The following DNASE1 variants were observed in gnomAD, a reference collection of about 807,000 sequenced individuals.
DNASE1 encodes deoxyribonuclease 1.
A neutral mutation model predicts 33.9 loss-of-function variants in DNASE1; 40 were observed. The ratio of observed to expected loss-of-function variants is 1.18; its 90% CI spans 0.92 to 1.54. DNASE1 has a LOEUF of 1.54. DNASE1 is among the 40% of genes most tolerant of loss of function. The probability of loss-of-function intolerance (pLI) is 0.00; values close to 1 mark genes in which losing one functional copy is unlikely to be tolerated. For synonymous variants in DNASE1, 216 were observed against 160.0 expected (o/e 1.35, Z -2.64); for missense variants, 518 against 372.6 (o/e 1.39, Z -3.21).
upstream of DNASE1, among the ~76,000 whole-genome samples, chr16:3,641,991 G>T (rs12919556): frequency 3.0e-4 from 45 of 152,360 alleles, no homozygotes; most frequent in Admixed American, 7.8e-4. Flanking sequence ...AGACCCGAGG[G>T]TCTGGCTATA....
intron 7 of DNASE1, 79 bp downstream of exon 7, chr16:3,657,420 C>G (rs2042745418): frequency 6.4e-7 from 1 of 1,561,748 alleles, no homozygotes; most frequent in South Asian, 1.2e-5. Context: ...GCTTCAGAAG[C>G]CTCAAAGCCT....
At chr16:3,635,477 AAAAG>A (rs2041841205) in intron 1 of DNASE1, among the ~76,000 whole-genome samples, 1 of 149,660 alleles carries the variant, frequency 6.7e-6, no homozygotes, top group African/African-American at 2.4e-5. Flanking sequence ...AAAAAAAAAA[AAAAG>A]TAAGAAAAGT....
At chr16:3,660,171 T>A (rs1393287774), downstream of DNASE1, 1 of 152,186 alleles carries the variant, frequency 6.6e-6, no homozygotes, top group Admixed American at 6.5e-5. Flanking sequence ...GCACAGCAAG[T>A]TCCCCCTTGG....
chr16:3,637,466 C>T (rs1000407146), intron 1 of DNASE1, among the ~76,000 whole-genome samples: 1 of 152,090 alleles, frequency 6.6e-6, no homozygotes, highest in Non-Finnish European at 1.5e-5. Flanking sequence ...CAGCACTTCT[C>T]AGTTTGGGGT....
At position 3,657,936 on chromosome 16, in the gene DNASE1, G is replaced by A. The variant is rs755113605; in HGVS notation, c.832G>A (p.Glu278Lys). The A allele has an allele frequency of 6.2e-7, 1 of 1,613,226 alleles. No individual in the cohort carries two copies. The highest frequency in any genetic ancestry group is 1.1e-5 in the South Asian group (1 of 91,078). Residue 278 changes from glutamate to lysine, a missense_variant, in exon 9 of 9, where the codon GAG becomes AAG. By Grantham distance (56) the Glu-to-Lys change is moderately conservative (BLOSUM62 1). Coordinates refer to ENST00000246949, the MANE Select transcript of DNASE1 (RefSeq NM_005223.4). ...AGCCATCAGTGACCACTATCCAGTG[G>A]AGGTGATGCTGAAGTGAGCAGCCCC... ...AQAISDHYPV[E>K]VMLK is the part of the protein sequence containing the mutation.
At chr16:3,649,346 C>T (rs1301537937) in intron 1 of DNASE1, among the ~76,000 whole-genome samples, 1 of 152,222 alleles carries the variant, frequency 6.6e-6, no homozygotes, top group East Asian at 1.9e-4. Flanking sequence ...CGCCTTGATC[C>T]TTTGACTTTA....
At chr16:3,659,301 G>T (rs1355102195), downstream of DNASE1, 4 of 158,592 alleles carry the variant, frequency 2.5e-5, no homozygotes, top group Non-Finnish European at 4.2e-5. Context: ...GATGAGGACA[G>T]TATTTCACAG....
intron 1 of DNASE1, among the ~76,000 whole-genome samples, chr16:3,624,810 A>G (rs879836695): frequency 5.3e-5 from 8 of 152,016 alleles, no homozygotes; most frequent in South Asian, 2.1e-4. Context: ...CCTGTATTCT[A>G]TTTCTGTAGC....
intron 1 of DNASE1, among the ~76,000 whole-genome samples, chr16:3,615,874 G>A (rs980224347): frequency 2.0e-5 from 3 of 152,190 alleles, no homozygotes; most frequent in Non-Finnish European, 4.4e-5. Context: ...ATGAATTGAA[G>A]GGCCCTTATC....
downstream of DNASE1, chr16:3,663,054 C>G: frequency 1.0e-6 from 1 of 1,003,028 alleles, no homozygotes; most frequent in Non-Finnish European, 1.5e-6. Flanking sequence ...TTCCAGCTCC[C>G]ACCTCCTCTC....
At chr16:3,614,006 G>T (rs1282032819) in intron 1 of DNASE1, among the ~76,000 whole-genome samples, 1 of 144,088 alleles carries the variant, frequency 6.9e-6, no homozygotes, top group Admixed American at 7.1e-5. Context: ...TCTGCTTCCC[G>T]GGTTCACGCC....
chr16:3,615,812 T>C (rs1351148144), intron 1 of DNASE1, among the ~76,000 whole-genome samples: 1 of 152,224 alleles, frequency 6.6e-6, no homozygotes. Context: ...TATTTCCTTT[T>C]TGAAAGCTTC....
rs757419566 is a variant in DNASE1, at chr16:3,657,266, C to T, written c.629C>T (p.Thr210Ile). The T allele has an allele frequency of 1.2e-6, 2 of 1,614,006 alleles. No homozygotes were observed. The highest frequency in any genetic ancestry group is 1.7e-5 in the Admixed American group (1 of 60,020). ...CAGTGGTCATCCATCCGCCTGTGGA[C>T]AAGCCCCACCTTCCAGTGGCTGATC... ...PSQWSSIRLWTSPTFQWLIPD... is the reference protein window; with the variant it reads ...PSQWSSIRLWISPTFQWLIPD... The change falls in exon 7 of 9, where the codon ACA becomes ATA. Residue 210 changes from threonine (T) to isoleucine (I), a missense_variant. Thr to Ile is a moderately conservative substitution (Grantham distance 89). Coordinates refer to ENST00000246949, the MANE Select transcript of DNASE1 (RefSeq NM_005223.4).
At chr16:3,625,638 A>G (rs2041484691) in intron 1 of DNASE1, among the ~76,000 whole-genome samples, 1 of 152,084 alleles carries the variant, frequency 6.6e-6, no homozygotes, top group East Asian at 1.9e-4. Flanking sequence ...ATAAATAAAT[A>G]AATGAAACGG....
chr16:3,621,812 T>G (rs963307014), intron 1 of DNASE1, among the ~76,000 whole-genome samples: 1 of 152,218 alleles, frequency 6.6e-6, no homozygotes, highest in Non-Finnish European at 1.5e-5. Flanking sequence ...GTATATACTT[T>G]TATGCAGATT....
In DNASE1 at chr16:3,657,207, C is replaced by G. The variant is rs2042722368; in HGVS notation, c.570C>G (p.Asp190Glu). 1 of 1,614,088 alleles carries G rather than the reference C, an allele frequency of 6.2e-7. No individual in the cohort carries two copies. The highest frequency in any genetic ancestry group is 1.3e-5 in the African/African-American group (1 of 75,056). ...WGLEDVMLMG[D>E]FNAGCSYVRP... Reference sequence around the variant, plus strand: ...GGTAGGACGTCATGTTGATGGGCGACTTCAATGCGGGCTGCAGCTATGTGA... The same window carrying G: ...GGTAGGACGTCATGTTGATGGGCGAGTTCAATGCGGGCTGCAGCTATGTGA... Residue 190 changes from aspartate to glutamate, a missense_variant, in exon 7 of 9, where the codon GAC becomes GAG. Physicochemically the swap from Asp to Glu is conservative, Grantham distance 45. Coordinates refer to ENST00000246949, the MANE Select transcript of DNASE1 (RefSeq NM_005223.4).
chr16:3,654,461 C>T, upstream of DNASE1: 1 of 398,670 alleles, frequency 2.5e-6, no homozygotes, highest in Non-Finnish European at 4.4e-6. Context: ...CCAGGGGGCT[C>T]CATTTGCAAC....
downstream of DNASE1, chr16:3,662,638 T>TTTTTCAG (rs1169725099): frequency 2.7e-4 from 183 of 671,400 alleles, no homozygotes; most frequent in Non-Finnish European, 3.6e-5. Context: ...AGGATGCTGG[T>TTTTTCAG]TTTTCAGTTC....
chr16:3,638,389 G>C (rs1454031166), upstream of DNASE1, among the ~76,000 whole-genome samples: 1 of 152,178 alleles, frequency 6.6e-6, no homozygotes, highest in Non-Finnish European at 1.5e-5. Flanking sequence ...CCAGGCTGGA[G>C]TACAGTGGCG....
Sources: gnomAD v4.1 joint callset for allele counts (sites outside exome capture counted in the v4.1 genomes callset) on GRCh38, gnomAD v4.1.1 for gene constraint, MANE v1.5 for transcripts, NCBI Gene and HGNC (gene_info 2026-07-23, HGNC 2026-07-21) for gene names.